The following LTBP1 variants were observed in gnomAD, a reference collection of about 807,000 sequenced individuals.
LTBP1 encodes latent transforming growth factor beta binding protein 1.
A neutral mutation model predicts 207.6 loss-of-function variants in LTBP1; 129 were observed. That is an observed-to-expected ratio of 0.62 (90% CI 0.54 to 0.72). The LOEUF (loss-of-function observed/expected upper bound fraction) is 0.72. LTBP1 is among the 30% of genes least tolerant of loss of function. LTBP1 has a pLI of 0.00. For missense variants in LTBP1, 2,281 were observed against 2,217.2 expected, an observed-to-expected ratio of 1.03 and a Z score of -0.58; for synonymous variants, 963 against 833.7, an observed-to-expected ratio of 1.16 and a Z score of -2.67.
rs574612410 is a variant in LTBP1 at position 33,319,580 on chromosome 2, G to A, written c.3730+4311G>A. On this transcript the variant is annotated intron_variant, in intron 24 of 33. Coordinates refer to ENST00000404816, the MANE Select transcript of LTBP1 (RefSeq NM_206943.4). ...AAAACCTCCTGATCTCTGACTTTGTGTCACCTCTTTTCCATGCCTCCTTCC... is the reference window on the plus strand; with the variant it reads ...AAAACCTCCTGATCTCTGACTTTGTATCACCTCTTTTCCATGCCTCCTTCC... Among the ~76,000 whole-genome samples the A allele has an allele frequency of 2.6e-5, 4 of 152,200 alleles. No homozygotes were observed. In the South Asian group the frequency reaches 8.3e-4, roughly 32 times the overall value.
At chr2:33,079,403 G>C (rs905891935) in intron 3 of LTBP1, among the ~76,000 whole-genome samples, 2 of 152,200 alleles carry the variant, frequency 1.3e-5, no homozygotes, top group Non-Finnish European at 2.9e-5. Context: ...CAGCAGATGG[G>C]ATATAGCAAT....
rs573760924 is a variant in LTBP1, at chr2:33,297,474, C to G, written c.3236-2977C>G. ...TGAGATGGAGTCTCGCTTTGTCGCC[C>G]AGGCTGGAGTGCAGTGGTGCGATCT... On this transcript the variant is annotated intron_variant, in intron 20 of 33. Transcript: ENST00000404816. Among the ~76,000 whole-genome samples the G allele has an allele frequency of 5.9e-5, 9 of 151,890 alleles. No homozygotes were observed. In the East Asian group the frequency reaches 1.7e-3, roughly 29 times the overall value.
intron 11 of LTBP1, among the ~76,000 whole-genome samples, chr2:33,253,334 G>C (rs2092735049): frequency 6.6e-6 from 1 of 152,186 alleles, no homozygotes; most frequent in African/African-American, 2.4e-5. Flanking sequence ...CTTAAGGACA[G>C]AACTTGCCAA....
At chr2:33,036,029 T>C (rs2075901856) in intron 3 of LTBP1, among the ~76,000 whole-genome samples, 1 of 152,224 alleles carries the variant, frequency 6.6e-6, no homozygotes, top group Non-Finnish European at 1.5e-5. Flanking sequence ...CTGGATACTG[T>C]GCTGTTTAGT....
intron 7 of LTBP1, among the ~76,000 whole-genome samples, chr2:33,200,024 C>A (rs1449918427): frequency 2.0e-5 from 3 of 152,060 alleles, no homozygotes; most frequent in Non-Finnish European, 4.4e-5. Flanking sequence ...TAGGAAGAAT[C>A]AATATCGTGA....
chr2:33,323,606 G>T (rs919085609), intron 24 of LTBP1, among the ~76,000 whole-genome samples: 2 of 148,682 alleles, frequency 1.3e-5, no homozygotes, highest in African/African-American at 5.0e-5. Flanking sequence ...TTCAGCCTGG[G>T]TGACAGAGCA....
intron 26 of LTBP1, among the ~76,000 whole-genome samples, chr2:33,354,583 C>T (rs934427670): frequency 2.0e-5 from 3 of 151,674 alleles, no homozygotes; most frequent in African/African-American, 4.8e-5. Context: ...AGATTTTCTG[C>T]TTGCTATAGA....
chr2:33,184,751 A>C (rs1052131653), intron 5 of LTBP1, among the ~76,000 whole-genome samples: 4 of 150,040 alleles, frequency 2.7e-5, no homozygotes, highest in African/African-American at 9.8e-5. Context: ...ATAGGTATAA[A>C]TCTGTCCCTT....
At chr2:33,381,616 A>G (rs2095215473) in intron 31 of LTBP1, among the ~76,000 whole-genome samples, 1 of 152,220 alleles carries the variant, frequency 6.6e-6, no homozygotes, top group Non-Finnish European at 1.5e-5. Flanking sequence ...CAATAAACAT[A>G]AATCCTGCTA....
intron 7 of LTBP1, among the ~76,000 whole-genome samples, chr2:33,198,378 G>C (rs1228338288): frequency 1.3e-5 from 2 of 152,144 alleles, no homozygotes; most frequent in Non-Finnish European, 2.9e-5. Context: ...TTGTGTCTCT[G>C]CCTGGCTTTG....
chr2:33,060,354 G>C (rs1354390866), intron 3 of LTBP1, among the ~76,000 whole-genome samples: 1 of 152,120 alleles, frequency 6.6e-6, no homozygotes, highest in African/African-American at 2.4e-5. Context: ...AATACACACA[G>C]ATAATTGACG....
Position 32,991,779 on chromosome 2 carries a change from C to T in LTBP1, c.566-29130C>T, listed in dbSNP as rs1052304279. ...CCAGCCCTGTTGCAACCCAGGAGTC[C>T]TCTGGGTGCCTCTGCCACAGGCAAC... On this transcript the variant is annotated intron_variant, in intron 2 of 33. Coordinates refer to ENST00000404816, the MANE Select transcript of LTBP1 (RefSeq NM_206943.4). 2.0e-5 allele frequency among the ~76,000 whole-genome samples: 3 copies of T among 152,324 alleles called. No individual in the cohort carries two copies. The South Asian group carries it at 6.2e-4, about 32-fold the overall frequency.
At chr2:33,378,185 A>ATG (rs57388002) in intron 31 of LTBP1, among the ~76,000 whole-genome samples, 6,922 of 131,938 alleles carry the variant, frequency 0.052, 195 homozygotes, top group Middle Eastern at 0.11. Flanking sequence ...ATATATATAT[A>ATG]TGTGTGTGTG....
At chr2:32,949,316 TACGGTGATGGCAGG>T (rs879462099) in intron 2 of LTBP1, among the ~76,000 whole-genome samples, 2 of 152,240 alleles carry the variant, frequency 1.3e-5, no homozygotes, top group Non-Finnish European at 2.9e-5. Context: ...AGACATTCTT[TACGGTGATGGCAGG>T]AGGGGCTTGG....
intron 20 of LTBP1, among the ~76,000 whole-genome samples, chr2:33,298,524 T>C (rs1327155172): frequency 6.6e-6 from 1 of 152,232 alleles, no homozygotes; most frequent in Non-Finnish European, 1.5e-5. Context: ...ACAAGAACTA[T>C]TGTTGGTCTT....
intron 5 of LTBP1, among the ~76,000 whole-genome samples, chr2:33,154,963 T>C (rs2083847275): frequency 6.6e-6 from 1 of 152,090 alleles, no homozygotes; most frequent in Admixed American, 6.6e-5. Context: ...CTTGGGAGGC[T>C]GAGTCAGGAG....
chr2:33,299,811 A>C (rs576331965), intron 20 of LTBP1, among the ~76,000 whole-genome samples: 39 of 152,356 alleles, frequency 2.6e-4, no homozygotes, highest in African/African-American at 9.4e-4. Context: ...GACACTTATT[A>C]AGAATTATCT....
intron 2 of LTBP1, among the ~76,000 whole-genome samples, chr2:32,961,203 A>G (rs891724793): frequency 2.0e-5 from 3 of 152,138 alleles, no homozygotes; most frequent in African/African-American, 7.2e-5. Context: ...TAGCCTGACC[A>G]CCTGCCTGGT....
intron 18 of LTBP1, among the ~76,000 whole-genome samples, chr2:33,277,688 T>G (rs2093455660): frequency 6.6e-6 from 1 of 151,888 alleles, no homozygotes; most frequent in South Asian, 2.1e-4. Context: ...GGGTGTTTAT[T>G]TGACAAGCAT....
Sources: gnomAD v4.1 joint callset for allele counts (sites outside exome capture counted in the v4.1 genomes callset) on GRCh38, gnomAD v4.1.1 for gene constraint, MANE v1.5 for transcripts, NCBI Gene and HGNC (gene_info 2026-07-23, HGNC 2026-07-21) for gene names.